STK32B: variants seen among roughly 807,000 people sequenced by gnomAD.
The protein encoded by STK32B is serine/threonine-protein kinase 32B.
Under a neutral mutation model 52.6 loss-of-function variants are expected in STK32B, and 43 were observed. That is an observed-to-expected ratio of 0.82 (90% confidence interval 0.64 to 1.05). STK32B has a LOEUF of 1.05. Among genes scored for constraint, STK32B ranks in the 50% least tolerant of loss-of-function variants. STK32B has a pLI of 0.00. For missense variants in STK32B, 621 were observed against 534.6 expected, an observed-to-expected ratio of 1.16 and a Z score of -1.59; for synonymous variants, 238 against 204.3, an observed-to-expected ratio of 1.17 and a Z score of -1.41.
At chr4:5,286,278 A>G (rs1046220564) in intron 3 of STK32B, among the ~76,000 whole-genome samples, 8 of 152,234 alleles carry the variant, frequency 5.3e-5, no homozygotes, top group Non-Finnish European at 1.0e-4. Context: ...AGACTTCTCA[A>G]TAACTAACAA....
intron 11 of STK32B, among the ~76,000 whole-genome samples, chr4:5,490,263 T>C (rs1334993903): frequency 6.6e-6 from 1 of 152,000 alleles, no homozygotes; most frequent in Non-Finnish European, 1.5e-5. Flanking sequence ...TGTGCCACCA[T>C]GCCCAGCTAA....
intron 3 of STK32B, among the ~76,000 whole-genome samples, chr4:5,289,685 ATTTTTTTTTTTTTT>A (rs56211807): frequency 4.6e-5 from 4 of 86,854 alleles, no homozygotes; most frequent in South Asian, 4.3e-4. Context: ...TGCCCGGCTA[ATTTTTTTTTTTTTT>A]TTTTTTTTTT....
At chr4:5,070,290 C>T (rs1016198684) in intron 1 of STK32B, among the ~76,000 whole-genome samples, 1 of 151,932 alleles carries the variant, frequency 6.6e-6, no homozygotes, top group Non-Finnish European at 1.5e-5. Flanking sequence ...GCAGCGTCCT[C>T]TTGTCATGTT....
intron 3 of STK32B, among the ~76,000 whole-genome samples, chr4:5,278,037 A>T (rs1260336746): frequency 6.6e-6 from 1 of 152,220 alleles, no homozygotes; most frequent in East Asian, 1.9e-4. Context: ...TTGATCAAGA[A>T]GCCACACTTT....
chr4:5,336,045 A>G (rs145050668), intron 4 of STK32B, among the ~76,000 whole-genome samples: 5 of 150,552 alleles, frequency 3.3e-5, no homozygotes, highest in African/African-American at 1.2e-4. Flanking sequence ...TCTGCTAATG[A>G]GGGTAAAATG....
intron 3 of STK32B, among the ~76,000 whole-genome samples, chr4:5,293,104 C>G (rs886947521): frequency 6.6e-6 from 1 of 152,044 alleles, no homozygotes; most frequent in Non-Finnish European, 1.5e-5. Context: ...ATCCGTGTCC[C>G]TGCAAAAGAC....
chr4:5,209,539 C>A (rs1410842661), intron 3 of STK32B, among the ~76,000 whole-genome samples: 3 of 152,150 alleles, frequency 2.0e-5, no homozygotes, highest in Admixed American at 1.3e-4. Flanking sequence ...CTTACGATTT[C>A]TTGAATGGGG....
At chr4:5,149,644 T>C (rs954146423) in intron 2 of STK32B, among the ~76,000 whole-genome samples, 4 of 151,998 alleles carry the variant, frequency 2.6e-5, no homozygotes, top group East Asian at 1.9e-4. Context: ...TCTGTCCTTA[T>C]AGTGTAGGTG....
At chr4:5,459,289 C>CG (rs1231927830) in intron 8 of STK32B, among the ~76,000 whole-genome samples, 15 of 149,770 alleles carry the variant, frequency 1.0e-4, no homozygotes, top group Non-Finnish European at 5.9e-5. Flanking sequence ...TGTGCCCCCC[C>CG]CCCCCACCTT....
At chr4:5,256,385 G>A (rs1726299721) in intron 3 of STK32B, among the ~76,000 whole-genome samples, 1 of 152,192 alleles carries the variant, frequency 6.6e-6, no homozygotes, top group African/African-American at 2.4e-5. Flanking sequence ...GTCATCTAAG[G>A]AAGTTTTGGT....
chr4:5,055,424 C>G (rs1039603378), intron 1 of STK32B, among the ~76,000 whole-genome samples: 1 of 152,064 alleles, frequency 6.6e-6, no homozygotes, highest in Non-Finnish European at 1.5e-5. Flanking sequence ...TTACAGTCAC[C>G]TCCCTAAGTC....
chr4:5,049,626 G>A (rs1305534532), upstream of STK32B, among the ~76,000 whole-genome samples: 2 of 152,170 alleles, frequency 1.3e-5, no homozygotes, highest in Non-Finnish European at 2.9e-5. Flanking sequence ...GTTAAGGCAG[G>A]AACAGGCCAT....
At chr4:5,071,293 A>G (rs1441721556) in intron 1 of STK32B, among the ~76,000 whole-genome samples, 1 of 152,172 alleles carries the variant, frequency 6.6e-6, no homozygotes, top group African/African-American at 2.4e-5. Context: ...ACTATTGGCT[A>G]TGTTTGCATA....
intron 3 of STK32B, among the ~76,000 whole-genome samples, chr4:5,186,807 A>C (rs1720777504): frequency 6.6e-6 from 1 of 152,148 alleles, no homozygotes; most frequent in African/African-American, 2.4e-5. Context: ...CTCATTCTTG[A>C]CTGTTCCAGC....
intron 3 of STK32B, among the ~76,000 whole-genome samples, chr4:5,209,113 G>C (rs141736176): frequency 6.6e-6 from 1 of 152,336 alleles, no homozygotes; most frequent in Non-Finnish European, 1.5e-5. Flanking sequence ...CACATGGAGA[G>C]ATTCAGGTAA....
At chr4:5,286,859 G>A (rs1041159492) in intron 3 of STK32B, among the ~76,000 whole-genome samples, 8 of 142,872 alleles carry the variant, frequency 5.6e-5, no homozygotes, top group African/African-American at 1.6e-4. Context: ...GTGCAGTGAC[G>A]CGATCTTGGC....
chr4:5,111,189 T>C (rs1012503441), intron 1 of STK32B, among the ~76,000 whole-genome samples: 4 of 152,158 alleles, frequency 2.6e-5, no homozygotes, highest in African/African-American at 9.7e-5. Context: ...TCAGCCCTTA[T>C]GGGAAACAGT....
upstream of STK32B, among the ~76,000 whole-genome samples, chr4:5,046,755 C>A (rs973874561): frequency 4.4e-4 from 67 of 152,278 alleles, no homozygotes; most frequent in African/African-American, 1.5e-3. Flanking sequence ...CATCAATGCT[C>A]GTTAGAGAAA....
At chr4:5,162,916 C>T (rs947823800) in intron 2 of STK32B, among the ~76,000 whole-genome samples, 3 of 152,204 alleles carry the variant, frequency 2.0e-5, no homozygotes, top group African/African-American at 4.8e-5. Flanking sequence ...AATGCTACAT[C>T]AGTTTCAGCA....
Sources: allele counts gnomAD v4.1 joint callset (sites outside exome capture counted in the v4.1 genomes callset), GRCh38; gene constraint gnomAD v4.1.1; transcripts MANE v1.5; gene names NCBI Gene and HGNC (gene_info 2026-07-23, HGNC 2026-07-21).